The following GJA1 variants were observed in gnomAD, a reference collection of about 807,000 sequenced individuals.
GJA1 encodes gap junction alpha-1 protein.
Under a neutral mutation model 31.0 loss-of-function variants are expected in GJA1, and 9 were observed. The ratio of observed to expected loss-of-function variants is 0.29; its 90% CI spans 0.17 to 0.51. GJA1 has a LOEUF of 0.51. Among genes scored for constraint, GJA1 ranks in the 20% least tolerant of loss-of-function variants. The pLI is 0.98. For missense variants in GJA1, 278 were observed against 468.8 expected, an observed-to-expected ratio of 0.59 and a Z score of 3.76; for synonymous variants, 186 against 180.1, an observed-to-expected ratio of 1.03 and a Z score of -0.26.
intron 1 of GJA1, among the ~76,000 whole-genome samples, chr6:121,446,292 T>C (rs1337529223): frequency 1.5e-5 from 2 of 137,312 alleles, no homozygotes; most frequent in Non-Finnish European, 3.2e-5. Context: ...GGAAACACCA[T>C]CTTAAAAAAA....
Position 121,447,061 on chromosome 6 carries a change from ATC to A in GJA1, c.219_220del (p.His74CysfsTer45), listed in dbSNP as rs1229680139. 1.2e-6 allele frequency: 2 copies of A among 1,610,428 alleles called. No homozygotes were observed. Among genetic ancestry groups the A allele is most frequent in the East Asian group, 2.2e-5 (1 of 44,856 alleles). On this transcript the variant is annotated frameshift_variant, in exon 2 of 2. Transcript: ENST00000282561. LOFTEE classifies it high-confidence loss of function. ...TGTCTGCTATGACAAGTCTTTCCCA[ATC>A]TCTCATGTGCGCTTCTGGGTCCTGC... ...ENVCYDKSFP[I>X]SHVRFWVLQI... is the part of the protein sequence containing the mutation.
intron 1 of GJA1, among the ~76,000 whole-genome samples, chr6:121,436,193 G>GGGGA (rs1363721810): frequency 9.1e-6 from 1 of 110,468 alleles, no homozygotes; most frequent in Non-Finnish European, 1.8e-5. Flanking sequence ...GTGGGGGGGG[G>GGGGA]GCGGTTAGGC....
In GJA1 at chr6:121,448,134, A is replaced by G; in HGVS notation, c.*138A>G. 2.5e-6 allele frequency: 2 copies of G among 788,952 alleles called. No individual in the cohort carries two copies. The highest frequency in any genetic ancestry group is 2.2e-6 in the Non-Finnish European group (1 of 451,960). The allele number at this position is 788,952 out of a possible 1,614,324, so 48.9% of individuals were successfully genotyped here. A position where few individuals can be genotyped will look rare whatever the true frequency, so the allele number is the denominator to read the frequency against. On this transcript the variant is annotated 3_prime_UTR_variant, in exon 2 of 2. Coordinates refer to ENST00000282561, the MANE Select transcript of GJA1 (RefSeq NM_000165.5). ...TATTCATGAGGCTTAGAAAACACAA[A>G]GACATTAGAATACCTAGGTTCACTG... is the stretch of plus-strand genomic sequence containing the variant.
chr6:121,437,671 C>T (rs936874513), intron 1 of GJA1, among the ~76,000 whole-genome samples: 1 of 152,100 alleles, frequency 6.6e-6, no homozygotes, highest in Non-Finnish European at 1.5e-5. Context: ...TTTCTGATAA[C>T]GCTCATCGAT....
At chr6:121,439,928 G>A (rs1773738444) in intron 1 of GJA1, among the ~76,000 whole-genome samples, 1 of 152,200 alleles carries the variant, frequency 6.6e-6, no homozygotes, top group Non-Finnish European at 1.5e-5. Flanking sequence ...ATTATCTGAT[G>A]AACTGGGAAT....
Position 121,437,993 on chromosome 6 carries a change from T to TC in GJA1, c.-17+2168dup, listed in dbSNP as rs529619736. ...AGATTTCATTAAGCGAGCGCTCCCC[T>TC]CCCCCCCGCGCCAGGAATGAAATAA... is the stretch of plus-strand genomic sequence containing the variant. On this transcript the variant is annotated intron_variant, in intron 1 of 1. Coordinates refer to ENST00000282561, the MANE Select transcript of GJA1 (RefSeq NM_000165.5). 6.3e-4 allele frequency among the ~76,000 whole-genome samples: 95 copies of TC among 151,334 alleles called. 1 individual carries two copies. Among genetic ancestry groups the TC allele is most frequent in the African/African-American group, 1.9e-3 (79 of 41,230 alleles).
chr6:121,442,868 G>A lies in GJA1; in HGVS notation c.-16-3964G>A, dbSNP rs1013689585. Among the ~76,000 whole-genome samples the A allele has an allele frequency of 1.6e-4, 25 of 152,180 alleles. 1 individual carries two copies. On this transcript the variant is annotated intron_variant, in intron 1 of 1. Coordinates refer to ENST00000282561, the MANE Select transcript of GJA1 (RefSeq NM_000165.5). ...TAACATGGTGCATAGACGGCAAAAAGCGTGGTCCAGCTGCTAAGACTCTGC... is the reference window on the plus strand; with the variant it reads ...TAACATGGTGCATAGACGGCAAAAAACGTGGTCCAGCTGCTAAGACTCTGC...
intron 1 of GJA1, among the ~76,000 whole-genome samples, chr6:121,444,527 G>A (rs776716505): frequency 2.5e-4 from 38 of 152,066 alleles, no homozygotes; most frequent in Non-Finnish European, 4.6e-4. Context: ...TGTTCTCTAT[G>A]GCCAGAAGAT....
chr6:121,443,341 G>A (rs925485674), intron 1 of GJA1, among the ~76,000 whole-genome samples: 1 of 151,752 alleles, frequency 6.6e-6, no homozygotes, highest in Admixed American at 6.6e-5. Flanking sequence ...AGTGGAGATC[G>A]ACAGGTAGCT....
chr6:121,443,288 T>C (rs1773828393), intron 1 of GJA1, among the ~76,000 whole-genome samples: 1 of 152,216 alleles, frequency 6.6e-6, no homozygotes. Flanking sequence ...TACCTGTTTT[T>C]GGGCAGCTGT....
chr6:121,444,637 C>A (rs150696138), intron 1 of GJA1, among the ~76,000 whole-genome samples: 111 of 152,288 alleles, frequency 7.3e-4, no homozygotes, highest in African/African-American at 2.5e-3. Context: ...TAGTTCAACA[C>A]CAGAAGAGAA....
At chr6:121,441,835 G>T (rs936000625) in intron 1 of GJA1, among the ~76,000 whole-genome samples, 7 of 152,118 alleles carry the variant, frequency 4.6e-5, no homozygotes, top group Admixed American at 3.3e-4. Flanking sequence ...AGCTAAGGGT[G>T]GCTGTTTTAA....
chr6:121,448,227 T>G lies in GJA1; in HGVS notation c.*231T>G. 1.7e-6 allele frequency: 1 copy of G among 588,000 alleles called. No individual in the cohort carries two copies. The highest frequency in any genetic ancestry group is 3.0e-5 in the East Asian group (1 of 33,506). 36.4% of individuals were successfully genotyped at this position (588,000 alleles called of 1,614,324 possible). A position where few individuals can be genotyped will look rare whatever the true frequency, so the allele number is the denominator to read the frequency against. On this transcript the variant is annotated 3_prime_UTR_variant, in exon 2 of 2. Coordinates refer to ENST00000282561, the MANE Select transcript of GJA1 (RefSeq NM_000165.5). Reference sequence around the variant, plus strand: ...AGGTGCATGTTGGTATTTAAAGTAGTGGATTCAAAGAACTTAGATTATAAA... The same window carrying G: ...AGGTGCATGTTGGTATTTAAAGTAGGGGATTCAAAGAACTTAGATTATAAA...
Position 121,448,941 on chromosome 6 carries a change from G to A in GJA1, c.*945G>A, listed in dbSNP as rs1773938612. The A allele has an allele frequency of 6.0e-6, 1 of 166,650 alleles. No homozygotes were observed. Among genetic ancestry groups the A allele is most frequent in the Non-Finnish European group, 1.5e-5 (1 of 68,090 alleles). The allele number at this position is 166,650 out of a possible 1,614,324, so 10.3% of individuals were successfully genotyped here. Reference sequence around the variant, plus strand: ...TGTTCAAATTTGAACCTTTCTCATGGATTTTTGTGGTGTGGGCCAATATGG... The same window carrying A: ...TGTTCAAATTTGAACCTTTCTCATGAATTTTTGTGGTGTGGGCCAATATGG... On this transcript the variant is annotated 3_prime_UTR_variant, in exon 2 of 2. Coordinates refer to ENST00000282561, the MANE Select transcript of GJA1 (RefSeq NM_000165.5).
At chr6:121,445,540 G>T (rs771765384) in intron 1 of GJA1, among the ~76,000 whole-genome samples, 6 of 151,916 alleles carry the variant, frequency 3.9e-5, no homozygotes, top group African/African-American at 7.2e-5. Flanking sequence ...TATAGCCTGA[G>T]GGTCCAAAGC....
intron 1 of GJA1, among the ~76,000 whole-genome samples, chr6:121,438,816 A>G (rs2114271441): frequency 6.6e-6 from 1 of 151,876 alleles, no homozygotes; most frequent in South Asian, 2.1e-4. Context: ...TATTTTTTAA[A>G]TTCTTAGCAT....
intron 1 of GJA1, among the ~76,000 whole-genome samples, chr6:121,436,336 A>G (rs766685546): frequency 1.3e-5 from 2 of 152,156 alleles, no homozygotes; most frequent in Non-Finnish European, 2.9e-5. Flanking sequence ...TTGATGTTCT[A>G]TAGCTTTGCA....
At chr6:121,441,738 TTGAC>T (rs1562172343) in intron 1 of GJA1, among the ~76,000 whole-genome samples, 1 of 152,034 alleles carries the variant, frequency 6.6e-6, no homozygotes, top group Non-Finnish European at 1.5e-5. Flanking sequence ...TTTCTCAAGA[TTGAC>T]TGATTACTCG....
At chr6:121,438,798 A>G in intron 1 of GJA1, among the ~76,000 whole-genome samples, 1 of 152,270 alleles carries the variant, frequency 6.6e-6, no homozygotes, top group East Asian at 1.9e-4. Context: ...ATGGGAGATT[A>G]ATGTATATAT....
Sources: gnomAD v4.1 joint callset for allele counts (sites outside exome capture counted in the v4.1 genomes callset) on GRCh38, gnomAD v4.1.1 for gene constraint, MANE v1.5 for transcripts, NCBI Gene and HGNC (gene_info 2026-07-23, HGNC 2026-07-21) for gene names.